The following RGL1 variants were observed in gnomAD, a reference collection of about 807,000 sequenced individuals.
RGL1 encodes ral guanine nucleotide dissociation stimulator like 1.
A neutral mutation model predicts 95.2 loss-of-function variants in RGL1; 24 were observed. That is an observed-to-expected ratio of 0.25 (90% CI 0.18 to 0.35). The LOEUF (loss-of-function observed/expected upper bound fraction) is 0.35. Among genes scored for constraint, RGL1 ranks in the 10% least tolerant of loss-of-function variants. The pLI, the probability that RGL1 is intolerant of heterozygous loss-of-function variation, is 1.00. For missense variants in RGL1, 715 were observed against 936.3 expected, an observed-to-expected ratio of 0.76 and a Z score of 3.08; for synonymous variants, 329 against 344.9, an observed-to-expected ratio of 0.95 and a Z score of 0.51.
At chr1:183,720,229 A>G (rs988088198) in intron 1 of RGL1, among the ~76,000 whole-genome samples, 1 of 152,258 alleles carries the variant, frequency 6.6e-6, no homozygotes, top group African/African-American at 2.4e-5. Flanking sequence ...AAAATCATTA[A>G]TGGAAAGTTT....
chr1:183,899,976 C>T (rs1038248755), intron 10 of RGL1, among the ~76,000 whole-genome samples, 174 bp from the exon 11 acceptor site: 4 of 152,208 alleles, frequency 2.6e-5, no homozygotes, highest in Admixed American at 2.0e-4. Context: ...GATATTAGAT[C>T]ATGGAGTTTC....
chr1:183,832,524 A>G (rs1210777294), intron 2 of RGL1, among the ~76,000 whole-genome samples: 1 of 152,210 alleles, frequency 6.6e-6, no homozygotes, highest in East Asian at 1.9e-4. Context: ...ATAGAAAAAG[A>G]GGAAAGAAGG....
At chr1:183,823,374 ATTT>A (rs1218715982) in intron 2 of RGL1, among the ~76,000 whole-genome samples, 2 of 146,664 alleles carry the variant, frequency 1.4e-5, no homozygotes, top group African/African-American at 5.5e-5. Context: ...TTTATTTTTA[ATTT>A]TATTAGTCTT....
Position 183,926,136 on chromosome 1 carries a change from T to C in RGL1, c.2151T>C (p.Phe717=). ...TGATTCCAGACTCAGCAAATGTCTT[T>C]TATGCCATGAACAGCCAAGTGAACT... ...ELVIPDSANV[F]YAMNSQVNFD... Residue 717 remains phenylalanine (F), a synonymous_variant, in exon 18 of 18, where the codon TTT becomes TTC. Coordinates refer to ENST00000360851, the MANE Select transcript of RGL1 (RefSeq NM_001297671.3). The C allele has an allele frequency of 6.2e-7, 1 of 1,614,048 alleles. No individual in the cohort carries two copies. Among genetic ancestry groups the C allele is most frequent in the Non-Finnish European group, 8.5e-7 (1 of 1,179,950 alleles).
intron 3 of RGL1, among the ~76,000 whole-genome samples, chr1:183,857,979 A>C (rs574366734): frequency 6.6e-5 from 10 of 152,318 alleles, no homozygotes; most frequent in African/African-American, 2.4e-4. Flanking sequence ...AATGGGATTT[A>C]TAAGACCTAA....
chr1:183,821,924 G>A (rs1005590496), intron 2 of RGL1, among the ~76,000 whole-genome samples: 2 of 152,122 alleles, frequency 1.3e-5, no homozygotes, highest in African/African-American at 2.4e-5. Context: ...GGTCCTCCCT[G>A]CATCATATCC....
Position 183,824,335 on chromosome 1 carries a change from G to A in RGL1, c.138+17850G>A, listed in dbSNP as rs74605967. 1.4e-4 allele frequency among the ~76,000 whole-genome samples: 22 copies of A among 152,056 alleles called. 1 individual carries two copies. The East Asian group carries it at 3.7e-3, about 25-fold the overall frequency. ...TAGTGTCCTTCCAGGTTATTTATCC[G>A]GCCCTGGAGACATGAAATCACTTGA... On this transcript the variant is annotated intron_variant, in intron 2 of 17. Coordinates refer to ENST00000360851, the MANE Select transcript of RGL1 (RefSeq NM_001297671.3).
chr1:183,736,060 C>T (rs1656917992), intron 1 of RGL1, among the ~76,000 whole-genome samples: 1 of 152,210 alleles, frequency 6.6e-6, no homozygotes, highest in Non-Finnish European at 1.5e-5. Flanking sequence ...AGCCTCAGCA[C>T]ACTTACAATA....
intron 4 of RGL1, among the ~76,000 whole-genome samples, chr1:183,880,323 A>G (rs1452827389): frequency 2.0e-5 from 3 of 152,084 alleles, no homozygotes; most frequent in African/African-American, 7.2e-5. Context: ...CTACACATCA[A>G]TTTTTCTGCC....
At chr1:183,837,775 C>T (rs896961163) in intron 2 of RGL1, among the ~76,000 whole-genome samples, 2 of 152,136 alleles carry the variant, frequency 1.3e-5, no homozygotes, top group Non-Finnish European at 2.9e-5. Context: ...TTTCCATGAA[C>T]GGGGGTTGAG....
chr1:183,822,319 T>G (rs1174366620), intron 2 of RGL1, among the ~76,000 whole-genome samples: 1 of 149,538 alleles, frequency 6.7e-6, no homozygotes, highest in East Asian at 2.0e-4. Flanking sequence ...TGTTTGACTT[T>G]TTAAAAACAA....
intron 15 of RGL1, among the ~76,000 whole-genome samples, chr1:183,915,517 C>A (rs537821046): frequency 6.6e-6 from 1 of 152,282 alleles, no homozygotes; most frequent in South Asian, 2.1e-4. Flanking sequence ...TGATACACAT[C>A]ATGAAAATGT....
At chr1:183,891,915 G>A (rs949486048) in intron 8 of RGL1, among the ~76,000 whole-genome samples, 162 bp from the exon 9 acceptor site, 9 of 151,556 alleles carry the variant, frequency 5.9e-5, no homozygotes, top group East Asian at 3.9e-4. Context: ...AAGCCATCCC[G>A]CATAAAAAAA....
chr1:183,746,274 T>G (rs1212819555), intron 2 of RGL1, among the ~76,000 whole-genome samples: 2 of 152,092 alleles, frequency 1.3e-5, no homozygotes, highest in African/African-American at 4.8e-5. Flanking sequence ...TTTTAAAAAG[T>G]CTTTACTGCA....
At chr1:183,693,602 G>T (rs1416648993) in intron 1 of RGL1, among the ~76,000 whole-genome samples, 5 of 148,024 alleles carry the variant, frequency 3.4e-5, no homozygotes, top group African/African-American at 1.3e-4. Context: ...TTGGTCACAA[G>T]TGCCTACTGG....
intron 2 of RGL1, among the ~76,000 whole-genome samples, chr1:183,816,777 A>G (rs1013615223): frequency 5.9e-5 from 9 of 151,826 alleles, no homozygotes; most frequent in African/African-American, 2.2e-4. Flanking sequence ...TCCAGAGGCA[A>G]TCTTTTCTAC....
At chr1:183,921,638 T>C (rs1213378719) in intron 16 of RGL1, among the ~76,000 whole-genome samples, 1 of 152,228 alleles carries the variant, frequency 6.6e-6, no homozygotes, top group Non-Finnish European at 1.5e-5. Context: ...TGATGGAGAT[T>C]CAGATTGATT....
At chr1:183,773,325 T>A (rs1659401759) in intron 2 of RGL1, among the ~76,000 whole-genome samples, 1 of 152,238 alleles carries the variant, frequency 6.6e-6, no homozygotes, top group Non-Finnish European at 1.5e-5. Context: ...TATGAGCTTC[T>A]AACACAAGGA....
chr1:183,890,013 A>C (rs1667325943), intron 8 of RGL1, among the ~76,000 whole-genome samples: 1 of 152,170 alleles, frequency 6.6e-6, no homozygotes, highest in Non-Finnish European at 1.5e-5. Context: ...ATATAAAATC[A>C]TTACTTGATA....
Sources: gnomAD v4.1 joint callset for allele counts (sites outside exome capture counted in the v4.1 genomes callset) on GRCh38, gnomAD v4.1.1 for gene constraint, MANE v1.5 for transcripts, NCBI Gene and HGNC (gene_info 2026-07-23, HGNC 2026-07-21) for gene names.